The following THOC2 variants were observed in gnomAD, a reference collection of about 807,000 sequenced individuals.
The protein encoded by THOC2 is THO complex subunit 2.
A neutral mutation model predicts 128.4 loss-of-function variants in THOC2; 10 were observed. That is an observed-to-expected ratio of 0.08 (90% confidence interval 0.05 to 0.13). The LOEUF (loss-of-function observed/expected upper bound fraction) is 0.13, where lower values mean the gene tolerates loss of function less well. Among genes scored for constraint, THOC2 ranks in the 10% least tolerant of loss-of-function variants. The probability of loss-of-function intolerance (pLI) is 1.00; values close to 1 mark genes in which losing one functional copy is unlikely to be tolerated. For synonymous variants in THOC2, 393 were observed against 396.9 expected (o/e 0.99, Z 0.12); for missense variants, 535 against 1,155.7 (o/e 0.46, Z 7.79).
At chrX:123,608,688 T>C (rs1490198833) in intron 38 of THOC2, among the ~76,000 whole-genome samples, 1 of 107,447 alleles carries the variant, frequency 9.3e-6, no homozygotes, top group Admixed American at 9.8e-5. Context: ...GTTGCAGTGA[T>C]CCAAGATCGC....
chrX:123,729,862 G>A (rs1266737130), intron 1 of THOC2, among the ~76,000 whole-genome samples: 1 of 112,125 alleles, frequency 8.9e-6, no homozygotes, highest in African/African-American at 3.2e-5. Flanking sequence ...ATATGAAAAT[G>A]CTAACACCTA....
chrX:123,682,982 G>C (rs747641098), intron 8 of THOC2, among the ~76,000 whole-genome samples: 15 of 111,302 alleles, frequency 1.3e-4, no homozygotes, highest in Non-Finnish European at 2.6e-4. Flanking sequence ...ACACTTTCTT[G>C]TACTCCCTTC....
chrX:123,611,811 T>C (rs1379735708), intron 36 of THOC2, among the ~76,000 whole-genome samples: 3 of 103,213 alleles, frequency 2.9e-5, no homozygotes, highest in Non-Finnish European at 5.9e-5. Context: ...CATAAAGAAC[T>C]CTTACAACTG....
intron 11 of THOC2, 68 bp downstream of exon 11, chrX:123,667,034 GATAA>G: frequency 2.6e-6 from 2 of 760,513 alleles, no homozygotes; most frequent in Non-Finnish European, 3.8e-6. Flanking sequence ...GAGGAGATAA[GATAA>G]ATATACATTT....
Position 123,626,591 on chromosome X carries a change from C to T in THOC2, c.2829G>A (p.Lys943=). Residue 943 remains lysine (K), a synonymous_variant, in exon 24 of 39, where the codon AAG becomes AAA. Coordinates refer to ENST00000245838, the MANE Select transcript of THOC2 (RefSeq NM_001081550.2). Reference sequence around the variant, plus strand: ...CTCTCTGTACATGTTCCATCTGTTTCTTTTCTTCTTCAAGAAGCTTGTCCT... The same window carrying T: ...CTCTCTGTACATGTTCCATCTGTTTTTTTTCTTCTTCAAGAAGCTTGTCCT... ...ALQDKLLEEE[K]KQMEHVQRVL... is the part of the protein sequence containing the mutation. 1 of 1,203,191 alleles carries T rather than the reference C, an allele frequency of 8.3e-7. No homozygotes were observed. Among genetic ancestry groups the T allele is most frequent in the Non-Finnish European group, 1.1e-6 (1 of 892,163 alleles).
rs148824867 is a variant in THOC2 at position 123,659,142 on chromosome X, C to T, written c.1386+6500G>A. ...ACTCCTCCACTGCTTAAGCCTAGAA[C>T]AAGAATCCTCAAAGTTTGGTCTTTG... On this transcript the variant is annotated intron_variant, in intron 12 of 38. Coordinates refer to ENST00000245838, the MANE Select transcript of THOC2 (RefSeq NM_001081550.2). Among the ~76,000 whole-genome samples, 485 of 112,072 alleles carry T rather than the reference C, an allele frequency of 4.3e-3. 3 individuals are homozygous for T. Among genetic ancestry groups the T allele is most frequent in the African/African-American group, 0.015 (457 of 30,907 alleles).
chrX:123,613,994 C>T lies in THOC2; in HGVS notation c.4449+58G>A, dbSNP rs1185170345. On this transcript the variant is annotated intron_variant, in intron 34 of 38. Transcript: ENST00000245838. ...CTAGTATTTTTTAAAAGGCAACATA[C>T]ACACTGGTGTACATGATAATGAGCT... 7 of 1,076,584 alleles carry T rather than the reference C, an allele frequency of 6.5e-6. No homozygotes were observed. The Admixed American group carries it at 1.3e-4, about 20-fold the overall frequency. The allele number at this position is 1,076,584 out of a possible 1,213,427, so 88.7% of individuals were successfully genotyped here.
chrX:123,611,855 T>C (rs1374437117), intron 36 of THOC2, among the ~76,000 whole-genome samples: 3 of 106,336 alleles, frequency 2.8e-5, no homozygotes, highest in East Asian at 2.9e-4. Flanking sequence ...AAATAAAAAA[T>C]GGTCAAGGTA....
chrX:123,723,819 A>G (rs1458647803), intron 1 of THOC2, among the ~76,000 whole-genome samples: 1 of 112,013 alleles, frequency 8.9e-6, no homozygotes, highest in African/African-American at 3.2e-5. Context: ...AAGGTTAAAA[A>G]AAGAGAAAAA....
At chrX:123,610,361 A>G (rs2046657327) in intron 38 of THOC2, 1 of 111,028 alleles carries the variant, frequency 9.0e-6, no homozygotes, top group Admixed American at 9.6e-5. Flanking sequence ...AACACAGACC[A>G]TATTTTCTGT....
intron 12 of THOC2, among the ~76,000 whole-genome samples, chrX:123,659,004 G>A (rs776148185): frequency 2.7e-5 from 3 of 112,046 alleles, no homozygotes; most frequent in Non-Finnish European, 5.6e-5. Context: ...ATATATAGGT[G>A]CTATCAAAAA....
intron 1 of THOC2, among the ~76,000 whole-genome samples, chrX:123,728,410 A>G: frequency 8.9e-6 from 1 of 111,888 alleles, no homozygotes; most frequent in South Asian, 3.7e-4. Flanking sequence ...CATTTTGTGA[A>G]GAATGTTTCT....
intron 12 of THOC2, among the ~76,000 whole-genome samples, chrX:123,656,330 TAAAAAAAAAA>T: frequency 2.6e-5 from 1 of 37,961 alleles, no homozygotes; most frequent in Admixed American, 3.7e-4. Context: ...AGACTCCGTC[TAAAAAAAAAA>T]AAAAAAAAAA....
chrX:123,694,112 A>C (rs1407730688), intron 7 of THOC2, among the ~76,000 whole-genome samples: 3 of 111,240 alleles, frequency 2.7e-5, no homozygotes, highest in African/African-American at 9.8e-5. Flanking sequence ...AAAAAGGTAT[A>C]AACTCACAAG....
intron 38 of THOC2, chrX:123,603,256 G>A (rs964112726): frequency 3.4e-5 from 5 of 146,080 alleles, no homozygotes; most frequent in African/African-American, 6.4e-5. Context: ...GTTAAAACAC[G>A]TCAAGAACGT....
At chrX:123,705,530 A>C (rs919030504) in intron 3 of THOC2, among the ~76,000 whole-genome samples, 2 of 110,706 alleles carry the variant, frequency 1.8e-5, no homozygotes, top group African/African-American at 3.3e-5. Flanking sequence ...GTAGCAACTG[A>C]ATTTTTTTAA....
In THOC2 at chrX:123,671,732, T is replaced by A. The variant is rs933619917; in HGVS notation, c.798A>T (p.Leu266Phe). The change falls in exon 9 of 39, where the codon TTA becomes TTT. Residue 266 changes from leucine to phenylalanine, a missense_variant. Physicochemically the swap from Leu to Phe is conservative, Grantham distance 22. Around this residue, in one of 9 missense-constraint regions of THOC2, gnomAD observed 197 missense variants for 313.4 expected, o/e 0.63. Transcript: ENST00000245838. Reference protein sequence around the residue: ...QEPNGETPSSLYRVAAVLLQF... With the variant: ...QEPNGETPSSFYRVAAVLLQF... ...GTAGAAGTACTGCTGCAACTCTGTA[T>A]AAAGATGATGGTGTCTCGCCATTTG... The A allele has an allele frequency of 2.5e-6, 3 of 1,180,995 alleles. No individual in the cohort carries two copies. Among genetic ancestry groups the A allele is most frequent in the African/African-American group, 1.8e-5 (1 of 56,416 alleles).
In THOC2 at chrX:123,645,006, A is replaced by G. The variant is rs112932301; in HGVS notation, c.1429-97T>C. On this transcript the variant is annotated intron_variant, in intron 13 of 38. Transcript: ENST00000245838. Reference sequence around the variant, plus strand: ...GCCTTGGGAAAATTACCATTTCTTAATAACATAACACACAATATCCCATTC... The same window carrying G: ...GCCTTGGGAAAATTACCATTTCTTAGTAACATAACACACAATATCCCATTC... 1.7e-4 allele frequency: 121 copies of G among 721,825 alleles called. No individual in the cohort carries two copies. The African/African-American group carries it at 2.0e-3, about 12-fold the overall frequency. The allele number at this position is 721,825 out of a possible 1,213,427, so 59.5% of individuals were successfully genotyped here. A position where few individuals can be genotyped will look rare whatever the true frequency, so the allele number is the denominator to read the frequency against.
rs1386652258 is a variant in THOC2, at chrX:123,651,534, C to A, written c.1387-6159G>T. On this transcript the variant is annotated intron_variant, in intron 12 of 38. Coordinates refer to ENST00000245838, the MANE Select transcript of THOC2 (RefSeq NM_001081550.2). Reference sequence around the variant, plus strand: ...GAAGCTGGTTTTCTGAAAAGATTAACAAAATAGACTGCTAGCCAGATTAAT... The same window carrying A: ...GAAGCTGGTTTTCTGAAAAGATTAAAAAAATAGACTGCTAGCCAGATTAAT... Among the ~76,000 whole-genome samples, 5 of 110,914 alleles carry A rather than the reference C, an allele frequency of 4.5e-5. No individual in the cohort carries two copies. In the East Asian group the frequency reaches 1.1e-3, roughly 25 times the overall value.
Sources: allele counts gnomAD v4.1 joint callset (sites outside exome capture counted in the v4.1 genomes callset), GRCh38; gene constraint gnomAD v4.1.1; regional missense constraint gnomAD v4.1.1; transcripts MANE v1.5; gene names NCBI Gene and HGNC (gene_info 2026-07-23, HGNC 2026-07-21).